Variants in PRKCA observed in about 807,000 individuals in gnomAD.
PRKCA encodes protein kinase C alpha type.
Under a neutral mutation model 87.0 loss-of-function variants are expected in PRKCA, and 27 were observed. That is an observed-to-expected ratio of 0.31 (90% CI 0.23 to 0.43). PRKCA has a LOEUF of 0.43. Among genes scored for constraint, PRKCA ranks in the 20% least tolerant of loss-of-function variants. PRKCA has a pLI of 1.00. For missense variants in PRKCA, 518 were observed against 852.3 expected (o/e 0.61, Z 4.88); for synonymous variants, 329 against 311.1 (o/e 1.06, Z -0.61).
intron 3 of PRKCA, among the ~76,000 whole-genome samples, chr17:66,518,268 A>G (rs1967036454): frequency 6.6e-6 from 1 of 152,148 alleles, no homozygotes; most frequent in South Asian, 2.1e-4. Flanking sequence ...GCACAGTAGA[A>G]AGGAAAATGT....
chr17:66,684,495 T>G (rs1972574238), intron 5 of PRKCA, among the ~76,000 whole-genome samples: 1 of 152,244 alleles, frequency 6.6e-6, no homozygotes, highest in African/African-American at 2.4e-5. Context: ...ACACAGGCTG[T>G]TCTCTGCTGT....
chr17:66,350,408 G>T (rs1907670656), intron 2 of PRKCA, among the ~76,000 whole-genome samples: 1 of 151,956 alleles, frequency 6.6e-6, no homozygotes, highest in South Asian at 2.1e-4. Context: ...TTACAGGGGA[G>T]ACCACTTCTG....
intron 2 of PRKCA, chr17:66,306,329 A>T: frequency 2.0e-5 from 4 of 202,494 alleles, no homozygotes; most frequent in Admixed American, 8.1e-5. Context: ...TCTCATTGGA[A>T]AAAAAAAAAA....
chr17:66,663,252 G>A (rs1188416537), intron 5 of PRKCA, among the ~76,000 whole-genome samples: 2 of 152,238 alleles, frequency 1.3e-5, no homozygotes, highest in South Asian at 4.1e-4. Context: ...GAAGGTTGGT[G>A]TCACTGGACG....
chr17:66,645,656 A>G, intron 5 of PRKCA, 145 bp downstream of exon 5: 1 of 1,182,058 alleles, frequency 8.5e-7, no homozygotes, highest in Non-Finnish European at 1.2e-6. Flanking sequence ...ACTGTCTCAG[A>G]GCCCTCCAGC....
chr17:66,752,748 T>C (rs1345934892), intron 13 of PRKCA, among the ~76,000 whole-genome samples: 2 of 152,230 alleles, frequency 1.3e-5, no homozygotes, highest in African/African-American at 2.4e-5. Context: ...CAACGCCACA[T>C]GGGTTCTCCT....
chr17:66,487,807 T>G (rs1323834206), intron 2 of PRKCA, among the ~76,000 whole-genome samples: 1 of 152,194 alleles, frequency 6.6e-6, no homozygotes. Context: ...GGCCATTTGT[T>G]TGTCATCTTT....
At chr17:66,337,258 G>A (rs1231187038) in intron 2 of PRKCA, among the ~76,000 whole-genome samples, 1 of 152,132 alleles carries the variant, frequency 6.6e-6, no homozygotes, top group Non-Finnish European at 1.5e-5. Context: ...GCGAGGCAAA[G>A]GAATAGATAT....
intron 8 of PRKCA, among the ~76,000 whole-genome samples, chr17:66,690,685 G>C (rs937259018): frequency 6.6e-6 from 1 of 151,932 alleles, no homozygotes; most frequent in Non-Finnish European, 1.5e-5. Context: ...AAAATTAGCC[G>C]GGTTTGGTGG....
chr17:66,405,366 G>A (rs954795327), intron 2 of PRKCA, among the ~76,000 whole-genome samples: 2 of 152,162 alleles, frequency 1.3e-5, no homozygotes, highest in African/African-American at 4.8e-5. Context: ...TGTTGAACTG[G>A]AACTGACAAC....
chr17:66,660,515 C>T (rs1481240792), intron 5 of PRKCA, among the ~76,000 whole-genome samples: 1 of 152,122 alleles, frequency 6.6e-6, no homozygotes, highest in Non-Finnish European at 1.5e-5. Context: ...AATTCTGTCC[C>T]ATGGTCCATC....
intron 2 of PRKCA, among the ~76,000 whole-genome samples, chr17:66,385,140 C>G (rs947864072): frequency 6.6e-6 from 1 of 152,136 alleles, no homozygotes; most frequent in Admixed American, 6.5e-5. Context: ...AGGCATGGAC[C>G]AGGACGGTCC....
Position 66,436,130 on chromosome 17 carries a change from A to G in PRKCA, c.206-60071A>G, listed in dbSNP as rs188848823. 4.1e-3 allele frequency among the ~76,000 whole-genome samples: 627 copies of G among 152,340 alleles called. 3 individuals are homozygous for G. Among genetic ancestry groups the G allele is most frequent in the South Asian group, 0.014 (67 of 4,830 alleles). On this transcript the variant is annotated intron_variant, in intron 2 of 16. Transcript: ENST00000413366. ...GATTTGTTCAATAATTGGATGGTAA[A>G]GAAAAAGAGTGAAGAAAAATAATTC...
chr17:66,494,510 G>A (rs773418580), intron 2 of PRKCA, among the ~76,000 whole-genome samples: 5 of 152,118 alleles, frequency 3.3e-5, no homozygotes, highest in Non-Finnish European at 5.9e-5. Context: ...TTCTACCCCT[G>A]AGGGCAAAGC....
chr17:66,621,794 C>CTCTTTG (rs1283607452), intron 3 of PRKCA, among the ~76,000 whole-genome samples: 2 of 152,128 alleles, frequency 1.3e-5, no homozygotes, highest in Non-Finnish European at 2.9e-5. Flanking sequence ...TCATTTGAAG[C>CTCTTTG]AATGTATTTG....
chr17:66,619,193 T>C (rs1363099979), intron 3 of PRKCA, among the ~76,000 whole-genome samples: 2 of 152,106 alleles, frequency 1.3e-5, no homozygotes, highest in Non-Finnish European at 2.9e-5. Context: ...CTCAATTGAG[T>C]CTCTCTCATA....
chr17:66,688,487 A>G, intron 7 of PRKCA, 51 bp downstream of exon 7: 2 of 1,606,728 alleles, frequency 1.2e-6, no homozygotes, highest in South Asian at 1.1e-5. Flanking sequence ...GACCATTTAG[A>G]CAGTTAGGTT....
chr17:66,768,591 C>T (rs1488491372), intron 13 of PRKCA, among the ~76,000 whole-genome samples: 1 of 152,186 alleles, frequency 6.6e-6, no homozygotes, highest in South Asian at 2.1e-4. Context: ...AGGAAACTTA[C>T]AATCATGGCG....
At chr17:66,432,709 A>G (rs957438056) in intron 2 of PRKCA, among the ~76,000 whole-genome samples, 7 of 152,060 alleles carry the variant, frequency 4.6e-5, no homozygotes, top group African/African-American at 1.2e-4. Flanking sequence ...TTTTGCATGT[A>G]GTAGGTCTGT....
Sources: gnomAD v4.1 joint callset for allele counts (sites outside exome capture counted in the v4.1 genomes callset) on GRCh38, gnomAD v4.1.1 for gene constraint, MANE v1.5 for transcripts, NCBI Gene and HGNC (gene_info 2026-07-23, HGNC 2026-07-21) for gene names.